Variants in DOCK5 observed in about 807,000 individuals in gnomAD.
DOCK5 encodes dedicator of cytokinesis protein 5.
DOCK5 carries 142 observed loss-of-function variants against 251.8 expected under a neutral mutation model. The ratio of observed to expected loss-of-function variants is 0.56; its 90% CI spans 0.49 to 0.65. The LOEUF (loss-of-function observed/expected upper bound fraction) is 0.65, where lower values mean the gene tolerates loss of function less well. Ranked by LOEUF, DOCK5 falls within the 30% of genes least tolerant of loss-of-function variation. The pLI is 0.00. For missense variants in DOCK5, 2,111 were observed against 2,312.3 expected (o/e 0.91, Z 1.79); for synonymous variants, 842 against 835.5 (o/e 1.01, Z -0.13).
intron 18 of DOCK5, among the ~76,000 whole-genome samples, chr8:25,331,767 G>T (rs960168244): frequency 6.8e-5 from 10 of 146,754 alleles, no homozygotes; most frequent in Non-Finnish European, 6.0e-5. Context: ...TCATGATGTT[G>T]AAATAAATTA....
chr8:25,275,553 G>A, intron 4 of DOCK5, 112 bp downstream of exon 4: 1 of 1,084,584 alleles, frequency 9.2e-7, no homozygotes, highest in Non-Finnish European at 1.3e-6. Flanking sequence ...TCTCATCTCA[G>A]GCCAGGCGTG....
chr8:25,317,370 A>G (rs1321461253), intron 14 of DOCK5: 5 of 385,906 alleles, frequency 1.3e-5, no homozygotes, highest in African/African-American at 6.0e-5. Context: ...AGCTCCAGCC[A>G]CTAATGATTT....
At chr8:25,301,506 T>A (rs1479103043) in intron 9 of DOCK5, among the ~76,000 whole-genome samples, 3 of 152,166 alleles carry the variant, frequency 2.0e-5, no homozygotes, top group Non-Finnish European at 4.4e-5. Flanking sequence ...GATTAGTTTT[T>A]TTTCTGAAGT....
intron 2 of DOCK5, among the ~76,000 whole-genome samples, chr8:25,245,531 G>C (rs1803075693): frequency 6.6e-6 from 1 of 150,638 alleles, no homozygotes; most frequent in Non-Finnish European, 1.5e-5. Flanking sequence ...GGATTATTGG[G>C]TGCAAAGTTC....
At chr8:25,376,196 C>T (rs1800960720) in intron 37 of DOCK5, 5 of 984,610 alleles carry the variant, frequency 5.1e-6, no homozygotes, top group Non-Finnish European at 6.0e-6. Context: ...AGAAAGAAAT[C>T]CCCAGTGTCT....
At chr8:25,267,893 C>T (rs1325061627) in intron 2 of DOCK5, among the ~76,000 whole-genome samples, 4 of 151,126 alleles carry the variant, frequency 2.6e-5, no homozygotes, top group Admixed American at 1.3e-4. Context: ...AACGGAGTCT[C>T]GCTCTGTTGC....
At chr8:25,335,636 G>A (rs945140640) in intron 21 of DOCK5, among the ~76,000 whole-genome samples, 1 of 152,076 alleles carries the variant, frequency 6.6e-6, no homozygotes, top group East Asian at 1.9e-4. Flanking sequence ...GCCCTCCAAA[G>A]TCTAAGGGAT....
intron 13 of DOCK5, among the ~76,000 whole-genome samples, chr8:25,316,198 G>A (rs1213638495): frequency 6.6e-6 from 1 of 152,278 alleles, no homozygotes; most frequent in Non-Finnish European, 1.5e-5. Context: ...AAGTACTCTA[G>A]GCTGGGCATG....
rs1182030839 is a variant in DOCK5 at position 25,184,700 on chromosome 8, G to A, written c.-209G>A. 8 of 189,042 alleles carry A rather than the reference G, an allele frequency of 4.2e-5. No homozygotes were observed. The highest frequency in any genetic ancestry group is 1.3e-4 in the Admixed American group (2 of 15,626). The allele number at this position is 189,042 out of a possible 1,614,324, so 11.7% of individuals were successfully genotyped here. ...CAGGAGGGGCGCGCACTGCTGCGCTGCAGCCCGGCCCAGCAGGTGACCGCG... is the reference window on the plus strand; with the variant it reads ...CAGGAGGGGCGCGCACTGCTGCGCTACAGCCCGGCCCAGCAGGTGACCGCG... On this transcript the variant is annotated 5_prime_UTR_variant, in exon 1 of 52. Transcript: ENST00000276440.
intron 40 of DOCK5, among the ~76,000 whole-genome samples, chr8:25,385,828 T>C (rs908696599): frequency 3.9e-5 from 6 of 152,030 alleles, no homozygotes; most frequent in Admixed American, 1.3e-4. Flanking sequence ...GAGGCAGGTG[T>C]TGGGGATGGA....
At chr8:25,289,040 T>A (rs954185012) in intron 5 of DOCK5, among the ~76,000 whole-genome samples, 1 of 152,218 alleles carries the variant, frequency 6.6e-6, no homozygotes, top group Admixed American at 6.5e-5. Flanking sequence ...TCCTTTGTGT[T>A]GCCACAGAAC....
At chr8:25,245,984 T>C (rs1803094119) in intron 2 of DOCK5, among the ~76,000 whole-genome samples, 1 of 152,248 alleles carries the variant, frequency 6.6e-6, no homozygotes, top group Non-Finnish European at 1.5e-5. Flanking sequence ...TGTCTCTTTA[T>C]GGTGATGTCA....
chr8:25,408,203 C>T (rs1205625831), intron 49 of DOCK5, 49 bp downstream of exon 49: 1 of 1,515,030 alleles, frequency 6.6e-7, no homozygotes, highest in Non-Finnish European at 8.9e-7. Flanking sequence ...TTGCCCCCCT[C>T]TCCCCTGTAC....
At chr8:25,330,713 T>C (rs1442579008) in intron 18 of DOCK5, among the ~76,000 whole-genome samples, 1 of 152,156 alleles carries the variant, frequency 6.6e-6, no homozygotes, top group African/African-American at 2.4e-5. Context: ...CTTTGACTAT[T>C]TATGAAAAAT....
chr8:25,355,104 T>C (rs369052614), intron 27 of DOCK5, among the ~76,000 whole-genome samples: 29 of 152,258 alleles, frequency 1.9e-4, no homozygotes, highest in African/African-American at 6.5e-4. Flanking sequence ...CATGGCAGCA[T>C]GTGCCTGTAG....
intron 20 of DOCK5, 44 bp downstream of exon 20, chr8:25,332,736 T>C (rs533414656): frequency 1.1e-5 from 16 of 1,448,172 alleles, no homozygotes; most frequent in East Asian, 2.3e-5. Flanking sequence ...GTTGCAACTT[T>C]GTAGTTTTCA....
rs116209842 is a variant in DOCK5, at chr8:25,231,231, T to A, written c.44-12443T>A. On this transcript the variant is annotated intron_variant, in intron 1 of 51. Coordinates refer to ENST00000276440, the MANE Select transcript of DOCK5 (RefSeq NM_024940.8). ...TGTTAGTGTCATGCATGCACTCATT[T>A]TCCCTGCCATATAGAATTCTATATC... Among the ~76,000 whole-genome samples, 587 of 152,346 alleles carry A rather than the reference T, an allele frequency of 3.9e-3. 6 individuals carry two copies. The highest frequency in any genetic ancestry group is 0.014 in the African/African-American group (563 of 41,580).
At chr8:25,349,979 A>T (rs937137173) in intron 26 of DOCK5, among the ~76,000 whole-genome samples, 1 of 152,208 alleles carries the variant, frequency 6.6e-6, no homozygotes, top group African/African-American at 2.4e-5. Flanking sequence ...TGTGGAATCT[A>T]AAAAAGTTAG....
chr8:25,257,163 A>C (rs1258099552), intron 2 of DOCK5, among the ~76,000 whole-genome samples: 1 of 152,116 alleles, frequency 6.6e-6, no homozygotes, highest in African/African-American at 2.4e-5. Context: ...CCCCCACAGC[A>C]CAGGAACCAG....
Sources: allele counts gnomAD v4.1 joint callset (sites outside exome capture counted in the v4.1 genomes callset), GRCh38; gene constraint gnomAD v4.1.1; transcripts MANE v1.5; gene names NCBI Gene and HGNC (gene_info 2026-07-23, HGNC 2026-07-21).